Variants in SYNE1 observed in about 807,000 individuals in gnomAD.
SYNE1 encodes the protein nesprin-1.
Under a neutral mutation model 1,111.0 loss-of-function variants are expected in SYNE1, and 616 were observed. The observed-to-expected ratio is 0.55, with a 90% CI of 0.52 to 0.59. The LOEUF (loss-of-function observed/expected upper bound fraction) is 0.59. Among genes scored for constraint, SYNE1 ranks in the 20% least tolerant of loss-of-function variants. The pLI, the probability that SYNE1 is intolerant of heterozygous loss-of-function variation, is 0.00. For missense variants in SYNE1, 10,006 were observed against 10,417.0 expected, an observed-to-expected ratio of 0.96 and a Z score of 1.72; for synonymous variants, 3,855 against 3,825.8, an observed-to-expected ratio of 1.01 and a Z score of -0.28.
At chr6:152,283,536 T>C (rs2094150324) in intron 96 of SYNE1, among the ~76,000 whole-genome samples, 1 of 152,142 alleles carries the variant, frequency 6.6e-6, no homozygotes, top group Non-Finnish European at 1.5e-5. Flanking sequence ...TGTTTGTTTG[T>C]TTGTTTGTTT....
chr6:152,624,894 G>A (rs57766738), intron 3 of SYNE1, among the ~76,000 whole-genome samples: 1,536 of 152,232 alleles, frequency 0.01, 21 homozygotes, highest in African/African-American at 0.036. Context: ...ATGGGTGTAA[G>A]CTAAATAAGC....
rs587780469 is a variant in SYNE1, at chr6:152,425,392, G to T, written c.5256C>A (p.Ile1752=). 2.5e-6 allele frequency: 4 copies of T among 1,614,056 alleles called. No homozygotes were observed. In the African/African-American group the frequency reaches 4.0e-5, roughly 16 times the overall value. The change falls in exon 39 of 146, where the codon ATC becomes ATA. Residue 1752 remains isoleucine (I), a synonymous_variant. Transcript: ENST00000367255. ...LDERWRDLPQ[I]INKRINFLQS... ...CTTTTAGAACCAACCTTTTGTTAAT[G>T]ATCTGTGGTAAATCTCTCCATCTCT... is the stretch of plus-strand genomic sequence containing the variant.
At chr6:152,225,579 A>T in intron 116 of SYNE1, 142 bp downstream of exon 116, 1 of 970,794 alleles carries the variant, frequency 1.0e-6, no homozygotes, top group South Asian at 1.5e-5. Context: ...AAAAAAGAGG[A>T]TAACGAAGTG....
intron 24 of SYNE1, among the ~76,000 whole-genome samples, chr6:152,454,134 G>T (rs2098675388): frequency 6.6e-6 from 1 of 151,338 alleles, no homozygotes; most frequent in African/African-American, 2.5e-5. Context: ...GTGCTTCAGG[G>T]CCTGATGCTT....
intron 121 of SYNE1, among the ~76,000 whole-genome samples, chr6:152,215,435 T>C (rs1174759927): frequency 1.3e-5 from 2 of 152,150 alleles, no homozygotes; most frequent in African/African-American, 4.8e-5. Context: ...TTATATTACA[T>C]ATACTATTTA....
intron 14 of SYNE1, among the ~76,000 whole-genome samples, chr6:152,472,981 G>A (rs2154280574): frequency 6.6e-6 from 1 of 152,312 alleles, no homozygotes; most frequent in East Asian, 1.9e-4. Flanking sequence ...AGGTAACACA[G>A]TGAGAAGATT....
chr6:152,217,017 C>T (rs1239829036), intron 121 of SYNE1, among the ~76,000 whole-genome samples: 3 of 145,416 alleles, frequency 2.1e-5, no homozygotes, highest in Admixed American at 1.4e-4. Flanking sequence ...GAGCCGAGAT[C>T]GTGCCACTGC....
intron 3 of SYNE1, among the ~76,000 whole-genome samples, chr6:152,616,027 C>T (rs1208075297): frequency 6.6e-6 from 1 of 152,158 alleles, no homozygotes; most frequent in African/African-American, 2.4e-5. Context: ...AAAGTAATTA[C>T]TAGTTTCTCA....
At chr6:152,211,354 T>C (rs748685901) in intron 124 of SYNE1, 140 bp downstream of exon 124, 3 of 697,800 alleles carry the variant, frequency 4.3e-6, no homozygotes, top group Non-Finnish European at 5.0e-6. Context: ...TTGAGACAAG[T>C]TTCTCCTCCA....
intron 101 of SYNE1, among the ~76,000 whole-genome samples, chr6:152,261,643 G>A (rs1196583005): frequency 6.6e-6 from 1 of 152,134 alleles, no homozygotes. Flanking sequence ...AAAATAAGAT[G>A]GCCTCACAAT....
chr6:152,584,429 C>T (rs1164240984), intron 3 of SYNE1, among the ~76,000 whole-genome samples: 1 of 152,014 alleles, frequency 6.6e-6, no homozygotes, highest in East Asian at 1.9e-4. Flanking sequence ...TTCTCTGTAT[C>T]CCTACTTATT....
chr6:152,225,577 G>A, intron 116 of SYNE1, 144 bp downstream of exon 116: 1 of 947,280 alleles, frequency 1.1e-6, no homozygotes, highest in Non-Finnish European at 1.6e-6. Flanking sequence ...AAAAAAAAGA[G>A]GATAACGAAG....
intron 87 of SYNE1, among the ~76,000 whole-genome samples, chr6:152,313,628 AACTTTT>A (rs925437181): frequency 1.5e-4 from 23 of 152,000 alleles, no homozygotes; most frequent in African/African-American, 5.6e-4. Context: ...ACGTCCAGCT[AACTTTT>A]GTATTTTTAG....
rs548345195 is a variant in SYNE1, at chr6:152,488,781, A to T, written c.940-278T>A. 8.6e-5 allele frequency among the ~76,000 whole-genome samples: 13 copies of T among 151,828 alleles called. No homozygotes were observed. The South Asian group carries it at 2.5e-3, about 29-fold the overall frequency. On this transcript the variant is annotated intron_variant, in intron 11 of 145. Transcript: ENST00000367255. ...AATAAAGAAAATGTGACCAGGAGGG[A>T]ATTTCCTAAGTACACAAATAATAAG...
intron 118 of SYNE1, among the ~76,000 whole-genome samples, 160 bp downstream of exon 118, chr6:152,221,266 C>A (rs2080117742): frequency 6.6e-6 from 1 of 152,178 alleles, no homozygotes; most frequent in African/African-American, 2.4e-5. Context: ...TTCTAAATCT[C>A]TTCACTACAT....
Position 152,385,752 on chromosome 6 carries a change from T to C in SYNE1, c.8574A>G (p.Ser2858=), listed in dbSNP as rs139079964. The change falls in exon 55 of 146, where the codon TCA becomes TCG. Residue 2858 remains serine (S), a synonymous_variant. Transcript: ENST00000367255. The part of the protein sequence containing the change: ...AVHEFTDWLH[S]AKEELHRWSD... ...ACCACCGGTGAAGTTCTTCCTTTGC[T>C]GAATGGAGCCAATCTGTGAACTCGT... 2.5e-5 allele frequency: 41 copies of C among 1,614,050 alleles called. No homozygotes were observed. In the African/African-American group the frequency reaches 4.9e-4, roughly 19 times the overall value.
At chr6:152,350,041 T>C in intron 72 of SYNE1, 127 bp downstream of exon 72, 2 of 1,232,156 alleles carry the variant, frequency 1.6e-6, no homozygotes, top group Non-Finnish European at 2.4e-6. Context: ...ATTCTCTCAG[T>C]ACAATCATTA....
chr6:152,343,028 T>C (rs1357659167), intron 74 of SYNE1, among the ~76,000 whole-genome samples: 2 of 152,212 alleles, frequency 1.3e-5, no homozygotes, highest in Non-Finnish European at 2.9e-5. Flanking sequence ...TAAATGTCAC[T>C]TTTGATAGTA....
chr6:152,348,114 C>G (rs992141327), intron 72 of SYNE1, among the ~76,000 whole-genome samples: 39 of 152,156 alleles, frequency 2.6e-4, no homozygotes, highest in Non-Finnish European at 5.3e-4. Context: ...ACATCTACTA[C>G]TGTTTATAAT....
Sources: gnomAD v4.1 joint callset for allele counts (sites outside exome capture counted in the v4.1 genomes callset) on GRCh38, gnomAD v4.1.1 for gene constraint, MANE v1.5 for transcripts, NCBI Gene and HGNC (gene_info 2026-07-23, HGNC 2026-07-21) for gene names.